MACC1: variants seen among roughly 807,000 people sequenced by gnomAD.
MACC1 encodes the protein MET transcriptional regulator MACC1, also known as metastasis-associated in colon cancer protein 1.
In MACC1, 79 loss-of-function variants were observed where a neutral mutation model predicts 70.7. The observed-to-expected ratio is 1.12, with a 90% CI of 0.93 to 1.35. The LOEUF (loss-of-function observed/expected upper bound fraction) is 1.35. MACC1 is among the 40% of genes most tolerant of loss of function. The pLI is 0.00. For missense variants in MACC1, 1,106 were observed against 978.1 expected, an observed-to-expected ratio of 1.13 and a Z score of -1.74; for synonymous variants, 361 against 347.2, an observed-to-expected ratio of 1.04 and a Z score of -0.44.
Position 20,159,775 on chromosome 7 carries a change from T to A in MACC1, c.586A>T (p.Asn196Tyr), listed in dbSNP as rs1782114239. 6.2e-7 allele frequency: 1 copy of A among 1,613,984 alleles called. No homozygotes were observed. Among genetic ancestry groups the A allele is most frequent in the Non-Finnish European group, 8.5e-7 (1 of 1,180,046 alleles). The change falls in exon 5 of 7, where the codon AAT (asparagine) becomes TAT (tyrosine). Residue 196 changes from asparagine to tyrosine, a missense_variant. By Grantham distance (143) the Asn-to-Tyr change is moderately radical. Coordinates refer to ENST00000400331, the MANE Select transcript of MACC1 (RefSeq NM_182762.4). ...CATCCAGGGCTCTGACTAATTGTAT[T>A]CAAATCAAGGCAGGAGCGGGCCAGC... is the stretch of plus-strand genomic sequence containing the variant. ...RQLARSCLDL[N>Y]TISQSPGWAQ... is the part of the protein sequence containing the mutation.
intron 1 of MACC1, among the ~76,000 whole-genome samples, chr7:20,175,764 C>T (rs188277768): frequency 1.3e-5 from 2 of 152,176 alleles, no homozygotes; most frequent in East Asian, 3.9e-4. Flanking sequence ...GAAGAAATAG[C>T]ATTTTAACAT....
chr7:20,150,850 C>T (rs917791077), intron 6 of MACC1, among the ~76,000 whole-genome samples: 2 of 152,064 alleles, frequency 1.3e-5, no homozygotes, highest in African/African-American at 4.8e-5. Context: ...AGTTCGAGAC[C>T]AGCCTGGCCA....
rs774019094 is a variant in MACC1 at position 20,141,307 on chromosome 7, T to C, written c.2347-149A>G. 1.0e-4 allele frequency: 55 copies of C among 532,294 alleles called. 1 individual carries two copies. The highest frequency in any genetic ancestry group is 6.3e-4 in the Admixed American group (17 of 26,836). The allele number at this position is 532,294 out of a possible 1,614,324, so 33.0% of individuals were successfully genotyped here. ...GACTTATTTGATGTCATAGAAAATA[T>C]GGTTTAATAACTATCAGCTTCCTGT... On this transcript the variant is annotated intron_variant, in intron 6 of 6. Transcript: ENST00000400331.
rs1263571618 is a variant in MACC1 at position 20,165,475 on chromosome 7, C to A, written c.-152-1076G>T. On this transcript the variant is annotated intron_variant, in intron 2 of 6. Coordinates refer to ENST00000400331, the MANE Select transcript of MACC1 (RefSeq NM_182762.4). The stretch of plus-strand genomic sequence containing the variant: ...CTCTACACAAACACATCCCTCCATC[C>A]CTCACAGTACCATCCTAAATCTAAA... Among the ~76,000 whole-genome samples, 8 of 151,958 alleles carry A rather than the reference C, an allele frequency of 5.3e-5. No individual in the cohort carries two copies. The East Asian group carries it at 1.5e-3, about 29-fold the overall frequency.
chr7:20,208,328 G>A (rs1268805965), intron 1 of MACC1, among the ~76,000 whole-genome samples: 1 of 152,206 alleles, frequency 6.6e-6, no homozygotes, highest in Non-Finnish European at 1.5e-5. Context: ...GAGGAAGACA[G>A]GAAAATGTGG....
intron 5 of MACC1, among the ~76,000 whole-genome samples, chr7:20,156,214 T>TA (rs1324430477): frequency 5.9e-5 from 9 of 152,044 alleles, no homozygotes; most frequent in African/African-American, 2.2e-4. Context: ...ACTATGCAAA[T>TA]AAAGTTTCAA....
rs1562576802 is a variant in MACC1 at position 20,138,179 on chromosome 7, A to AAAAAAAAAAAAAAC, written c.*2766_*2767insGTTTTTTTTTTTTT. The AAAAAAAAAAAAAAC allele has an allele frequency of 7.2e-6, 1 of 139,358 alleles. No homozygotes were observed. Among genetic ancestry groups the AAAAAAAAAAAAAAC allele is most frequent in the Non-Finnish European group, 1.6e-5 (1 of 64,306 alleles). 8.6% of individuals were successfully genotyped at this position (139,358 alleles called of 1,614,324 possible). A position where few individuals can be genotyped will look rare whatever the true frequency, so the allele number is the denominator to read the frequency against. On this transcript the variant is annotated 3_prime_UTR_variant, in exon 7 of 7. Transcript: ENST00000400331. Reference sequence around the variant, plus strand: ...AAAAAAAAAAAAAAAAAAAAAAAAAAAAATTTCCCCTGGAAGGATTTGTTA... The same window carrying AAAAAAAAAAAAAAC: ...AAAAAAAAAAAAAAAAAAAAAAAAAAAAAAAAAAAAAAACAAATTTCCCCTGGAAGGATTTGTTA...
intron 1 of MACC1, among the ~76,000 whole-genome samples, chr7:20,195,580 T>C (rs1782738314): frequency 6.6e-6 from 1 of 152,234 alleles, no homozygotes; most frequent in Non-Finnish European, 1.5e-5. Flanking sequence ...AACATTTAAA[T>C]GTACTACAAT....
intron 1 of MACC1, among the ~76,000 whole-genome samples, chr7:20,206,792 T>C (rs1782915706): frequency 6.6e-6 from 1 of 152,228 alleles, no homozygotes; most frequent in Non-Finnish European, 1.5e-5. Flanking sequence ...CCAAACCTGT[T>C]TCTCTTGTCT....
At chr7:20,192,256 A>G (rs980951752) in intron 1 of MACC1, among the ~76,000 whole-genome samples, 1 of 152,256 alleles carries the variant, frequency 6.6e-6, no homozygotes, top group Admixed American at 6.5e-5. Context: ...AGGAAAAAGA[A>G]GAAAACAATT....
chr7:20,167,484 C>T (rs1049096096), intron 2 of MACC1, among the ~76,000 whole-genome samples: 2 of 151,920 alleles, frequency 1.3e-5, no homozygotes, highest in African/African-American at 4.8e-5. Flanking sequence ...GCATGAGCCA[C>T]TATGCCTGGC....
chr7:20,157,895 A>G (rs898198712), intron 5 of MACC1, among the ~76,000 whole-genome samples: 2 of 152,130 alleles, frequency 1.3e-5, no homozygotes, highest in African/African-American at 4.8e-5. Flanking sequence ...CTGGTATCTT[A>G]AGAGTTGTCT....
Position 20,201,683 on chromosome 7 carries a change from G to A in MACC1, c.-218+15616C>T, listed in dbSNP as rs78298702. ...GAACTAGAGACAAAGAGCAAGGGCA[G>A]TGGCCTGAACTAGGAAAGTGGTTGT... is the stretch of plus-strand genomic sequence containing the variant. On this transcript the variant is annotated intron_variant, in intron 1 of 6. Coordinates refer to ENST00000400331, the MANE Select transcript of MACC1 (RefSeq NM_182762.4). 2.6e-3 allele frequency among the ~76,000 whole-genome samples: 396 copies of A among 151,822 alleles called. 2 individuals carry two copies. Among genetic ancestry groups the A allele is most frequent in the African/African-American group, 9.1e-3 (380 of 41,550 alleles).
At chr7:20,172,453 G>T (rs1373638875) in intron 1 of MACC1, among the ~76,000 whole-genome samples, 1 of 151,436 alleles carries the variant, frequency 6.6e-6, no homozygotes, top group African/African-American at 2.4e-5. Context: ...CCATCATGAG[G>T]GAGAAAATAA....
intron 1 of MACC1, among the ~76,000 whole-genome samples, chr7:20,179,242 G>GAA (rs34648768): frequency 6.7e-6 from 1 of 150,208 alleles, no homozygotes; most frequent in African/African-American, 2.4e-5. Flanking sequence ...CTATCTTACA[G>GAA]AAAAAAAAAA....
chr7:20,159,393 A>G lies in MACC1; in HGVS notation c.968T>C (p.Leu323Ser). 1 of 1,614,048 alleles carries G rather than the reference A, an allele frequency of 6.2e-7. No individual in the cohort carries two copies. The highest frequency in any genetic ancestry group is 8.5e-7 in the Non-Finnish European group (1 of 1,180,014). ...SLGKEGPFKV[L>S]SNCYIYKDTI... ...GTCTTTATAAATGTAGCAGTTGCTT[A>G]AAACTTTAAAAGGGCCTTCTTTACC... is the stretch of plus-strand genomic sequence containing the variant. The change falls in exon 5 of 7, where the codon TTA becomes TCA. Residue 323 changes from leucine (L) to serine (S), a missense_variant. Leu to Ser is a moderately radical substitution (Grantham distance 145). Coordinates refer to ENST00000400331, the MANE Select transcript of MACC1 (RefSeq NM_182762.4).
At chr7:20,161,623 A>AT (rs1310998228) in intron 4 of MACC1, 125 bp downstream of exon 4, 2 of 597,464 alleles carry the variant, frequency 3.3e-6, no homozygotes, top group South Asian at 4.7e-5. Context: ...TATTTCTATG[A>AT]TAAAAACAAG....
At chr7:20,186,122 A>G (rs1293040330) in intron 1 of MACC1, among the ~76,000 whole-genome samples, 1 of 152,222 alleles carries the variant, frequency 6.6e-6, no homozygotes, top group Non-Finnish European at 1.5e-5. Flanking sequence ...ATAGAGTTCC[A>G]GTTCAGTAAA....
intron 1 of MACC1, among the ~76,000 whole-genome samples, chr7:20,195,245 G>A (rs1330147186): frequency 6.6e-6 from 1 of 152,000 alleles, no homozygotes; most frequent in South Asian, 2.1e-4. Flanking sequence ...CCAACCCGCC[G>A]TACCTTGCTA....
Sources: gnomAD v4.1 joint callset for allele counts (sites outside exome capture counted in the v4.1 genomes callset) on GRCh38, gnomAD v4.1.1 for gene constraint, MANE v1.5 for transcripts, NCBI Gene and HGNC (gene_info 2026-07-23, HGNC 2026-07-21) for gene names.